The following TANC2 variants were observed in gnomAD, a reference collection of about 807,000 sequenced individuals.
The protein encoded by TANC2 is protein TANC2.
TANC2 carries 26 observed loss-of-function variants against 210.5 expected under a neutral mutation model. That is an observed-to-expected ratio of 0.12 (90% CI 0.09 to 0.17). The LOEUF (loss-of-function observed/expected upper bound fraction) is 0.17, where lower values mean the gene tolerates loss of function less well. TANC2 is among the 10% of genes least tolerant of loss of function. TANC2 has a pLI of 1.00. For missense variants in TANC2, 2,129 were observed against 2,608.9 expected, an observed-to-expected ratio of 0.82 and a Z score of 4.01; for synonymous variants, 931 against 967.1, an observed-to-expected ratio of 0.96 and a Z score of 0.69.
chr17:63,137,612 C>T (rs956859405), intron 4 of TANC2, among the ~76,000 whole-genome samples: 1 of 152,078 alleles, frequency 6.6e-6, no homozygotes, highest in Non-Finnish European at 1.5e-5. Flanking sequence ...TTGTTTTATC[C>T]ATGAGCGCTT....
In TANC2 at chr17:63,404,772, C is replaced by T. The variant is rs191776139; in HGVS notation, c.3332-350C>T. Among the ~76,000 whole-genome samples the T allele has an allele frequency of 3.3e-5, 5 of 152,148 alleles. No homozygotes were observed. The East Asian group carries it at 9.6e-4, about 29-fold the overall frequency. ...AAAGACTCTTGTCTTTAGATTCCAC[C>T]CACACGTAGACTAACAGAGTTTGTA... On this transcript the variant is annotated intron_variant, in intron 19 of 27. Transcript: ENST00000689528.
chr17:63,196,846 A>G (rs2041361957), intron 6 of TANC2, among the ~76,000 whole-genome samples: 1 of 152,208 alleles, frequency 6.6e-6, no homozygotes, highest in Non-Finnish European at 1.5e-5. Flanking sequence ...TTCACAACCC[A>G]GTGTAGTAGA....
At chr17:63,269,690 T>A (rs905296077) in intron 9 of TANC2, among the ~76,000 whole-genome samples, 1 of 152,170 alleles carries the variant, frequency 6.6e-6, no homozygotes, top group Admixed American at 6.6e-5. Flanking sequence ...ACCTATCTGC[T>A]TGTAGTATCT....
intron 19 of TANC2, among the ~76,000 whole-genome samples, chr17:63,399,632 A>G (rs2048281128): frequency 6.6e-6 from 1 of 152,240 alleles, no homozygotes; most frequent in South Asian, 2.1e-4. Context: ...TGAAAACTGT[A>G]GAGTAACCCC....
intron 2 of TANC2, among the ~76,000 whole-genome samples, chr17:63,057,112 G>C (rs2035834648): frequency 6.6e-6 from 1 of 151,954 alleles, no homozygotes; most frequent in Non-Finnish European, 1.5e-5. Context: ...ACAGGTACAT[G>C]CCATCATGTC....
chr17:63,046,325 CTTTTTTTTTTTT>C (rs57550590), intron 2 of TANC2, among the ~76,000 whole-genome samples: 2 of 44,142 alleles, frequency 4.5e-5, no homozygotes, highest in East Asian at 5.8e-4. Flanking sequence ...ACACCCAGCT[CTTTTTTTTTTTT>C]TTTTTTTTTT....
intron 14 of TANC2, among the ~76,000 whole-genome samples, chr17:63,372,185 T>C (rs1233939847): frequency 6.6e-6 from 1 of 152,240 alleles, no homozygotes; most frequent in Non-Finnish European, 1.5e-5. Context: ...GAAATTTATA[T>C]TCTTCCTGTT....
At chr17:63,315,135 T>G (rs938104001) in intron 10 of TANC2, among the ~76,000 whole-genome samples, 5 of 152,170 alleles carry the variant, frequency 3.3e-5, no homozygotes, top group Non-Finnish European at 7.3e-5. Flanking sequence ...TCTCTCCTGC[T>G]TCCTTGTGAA....
At chr17:63,112,322 G>A (rs1053156550) in intron 4 of TANC2, among the ~76,000 whole-genome samples, 1 of 152,156 alleles carries the variant, frequency 6.6e-6, no homozygotes, top group African/African-American at 2.4e-5. Context: ...GTAATTGTTA[G>A]GTGTCACAGG....
chr17:63,246,248 T>TTG (rs1302148179), intron 8 of TANC2, among the ~76,000 whole-genome samples: 1 of 151,592 alleles, frequency 6.6e-6, no homozygotes, highest in African/African-American at 2.4e-5. Context: ...CAGAACTTTT[T>TTG]TTTTTGTTTT....
At chr17:63,127,126 G>A (rs1434156868) in intron 4 of TANC2, among the ~76,000 whole-genome samples, 1 of 152,228 alleles carries the variant, frequency 6.6e-6, no homozygotes, top group Non-Finnish European at 1.5e-5. Flanking sequence ...TGTTATTACC[G>A]CTGGGTATTC....
intron 5 of TANC2, 81 bp downstream of exon 5, chr17:63,151,461 A>G (rs1334708476): frequency 2.5e-5 from 15 of 594,024 alleles, no homozygotes; most frequent in Non-Finnish European, 2.8e-5. Flanking sequence ...TTTTGCATGT[A>G]TACTACTCAT....
intron 5 of TANC2, among the ~76,000 whole-genome samples, chr17:63,161,813 C>T (rs910960337): frequency 4.6e-5 from 7 of 152,078 alleles, no homozygotes; most frequent in African/African-American, 1.2e-4. Flanking sequence ...GTACATCCAC[C>T]GATTAGTAGT....
intron 7 of TANC2, among the ~76,000 whole-genome samples, chr17:63,230,645 T>G (rs1404759367): frequency 1.3e-5 from 2 of 152,042 alleles, no homozygotes; most frequent in African/African-American, 4.8e-5. Flanking sequence ...TTTGTTATGA[T>G]TTCAGCTCTT....
chr17:63,218,534 T>A (rs1303238900), intron 7 of TANC2, among the ~76,000 whole-genome samples: 3 of 152,030 alleles, frequency 2.0e-5, no homozygotes, highest in Non-Finnish European at 4.4e-5. Flanking sequence ...AAAGTAGAAC[T>A]GTCACTATTT....
intron 8 of TANC2, among the ~76,000 whole-genome samples, chr17:63,259,045 A>G (rs1255056594): frequency 6.6e-6 from 1 of 151,988 alleles, no homozygotes; most frequent in African/African-American, 2.4e-5. Context: ...CAAATAATGA[A>G]TCCTGCCAGT....
intron 4 of TANC2, among the ~76,000 whole-genome samples, chr17:63,104,766 G>GTACATAACCTAA (rs2037762072): frequency 6.6e-6 from 1 of 151,878 alleles, no homozygotes; most frequent in African/African-American, 2.4e-5. Flanking sequence ...GTGCTGTATA[G>GTACATAACCTAA]CTTTCTGTAA....
rs560679947 is a variant in TANC2 at position 63,098,200 on chromosome 17, C to T, written c.140-975C>T. On this transcript the variant is annotated intron_variant, in intron 3 of 27. Transcript: ENST00000689528. ...AATTATATAAATAATTTGAGACCTA[C>T]GATGATATTACCTTCCTCCACAAAG... 1.4e-4 allele frequency among the ~76,000 whole-genome samples: 21 copies of T among 152,054 alleles called. 1 individual carries two copies. The highest frequency in any genetic ancestry group is 4.6e-4 in the African/African-American group (19 of 41,494).
chr17:63,126,601 G>A (rs557646705), intron 4 of TANC2, among the ~76,000 whole-genome samples: 1 of 152,160 alleles, frequency 6.6e-6, no homozygotes, highest in African/African-American at 2.4e-5. Context: ...TAGAGATGGA[G>A]TTTCACTGTG....
Sources: gnomAD v4.1 joint callset for allele counts (sites outside exome capture counted in the v4.1 genomes callset) on GRCh38, gnomAD v4.1.1 for gene constraint, MANE v1.5 for transcripts, NCBI Gene and HGNC (gene_info 2026-07-23, HGNC 2026-07-21) for gene names.